Variants in YTHDF1 observed in about 807,000 individuals in gnomAD.
YTHDF1 encodes YTH domain-containing family protein 1.
Under a neutral mutation model 49.1 loss-of-function variants are expected in YTHDF1, and 16 were observed. That is an observed-to-expected ratio of 0.33 (90% CI 0.22 to 0.49). The LOEUF is 0.49. YTHDF1 is among the 20% of genes least tolerant of loss of function. YTHDF1 has a pLI of 0.99. For missense variants in YTHDF1, 621 were observed against 744.3 expected (o/e 0.83, Z 1.93); for synonymous variants, 313 against 290.1 (o/e 1.08, Z -0.80).
rs2066490237 is a variant in YTHDF1, at chr20:63,195,874, C to A, written c.*834G>T. 1 of 152,230 alleles carries A rather than the reference C, an allele frequency of 6.6e-6. No homozygotes were observed. The highest frequency in any genetic ancestry group is 2.4e-5 in the African/African-American group (1 of 41,454). The allele number at this position is 152,230 out of a possible 1,614,324, so 9.4% of individuals were successfully genotyped here. A position where few individuals can be genotyped will look rare whatever the true frequency, so the allele number is the denominator to read the frequency against. ...AGCATCATCCATCACACTGTCTGTA[C>A]TACCAGATCCTACACTTAAAGCTCA... On this transcript the variant is annotated 3_prime_UTR_variant, in exon 5 of 5. Coordinates refer to ENST00000370339, the MANE Select transcript of YTHDF1 (RefSeq NM_017798.4).
intron 3 of YTHDF1, among the ~76,000 whole-genome samples, chr20:63,213,556 A>AAC (rs1414444554): frequency 6.6e-6 from 1 of 152,104 alleles, no homozygotes; most frequent in African/African-American, 2.4e-5. Flanking sequence ...AAGCTTCAGA[A>AAC]ACACACACAC....
Position 63,196,524 on chromosome 20 carries a change from G to A in YTHDF1, c.*184C>T. Reference sequence around the variant, plus strand: ...ACTCCTTTATTAGTGACTTCTACAGGATTATAATACATAGAAAAAGTACAA... The same window carrying A: ...ACTCCTTTATTAGTGACTTCTACAGAATTATAATACATAGAAAAAGTACAA... On this transcript the variant is annotated 3_prime_UTR_variant, in exon 5 of 5. Coordinates refer to ENST00000370339, the MANE Select transcript of YTHDF1 (RefSeq NM_017798.4). The A allele has an allele frequency of 1.6e-6, 1 of 625,786 alleles. No homozygotes were observed. Among genetic ancestry groups the A allele is most frequent in the Non-Finnish European group, 2.8e-6 (1 of 361,538 alleles). 38.8% of individuals were successfully genotyped at this position (625,786 alleles called of 1,614,324 possible).
intron 3 of YTHDF1, among the ~76,000 whole-genome samples, chr20:63,207,125 G>A (rs6062845): frequency 0.073 from 11,175 of 152,264 alleles, 533 homozygotes; most frequent in Non-Finnish European, 0.11. Context: ...TTAGTGCCAC[G>A]GCTCCATGGG....
chr20:63,199,337 G>A (rs1306435127), intron 4 of YTHDF1, among the ~76,000 whole-genome samples: 2 of 152,024 alleles, frequency 1.3e-5, no homozygotes, highest in Non-Finnish European at 2.9e-5. Context: ...GGCTAACACG[G>A]TGAAACCCCA....
At chr20:63,211,945 A>T (rs1252836785) in intron 3 of YTHDF1, among the ~76,000 whole-genome samples, 1 of 145,554 alleles carries the variant, frequency 6.9e-6, no homozygotes, top group Non-Finnish European at 1.5e-5. Context: ...TAACAGCAGG[A>T]CCCTGTCTCC....
chr20:63,196,580 A>T lies in YTHDF1; in HGVS notation c.*128T>A. On this transcript the variant is annotated 3_prime_UTR_variant, in exon 5 of 5. Transcript: ENST00000370339. ...TGCAGATCCATCTGGGCAAAAATCA[A>T]CGACAAGAAAGGCAAAGATGCAACA... The T allele has an allele frequency of 1.8e-6, 2 of 1,105,388 alleles. No individual in the cohort carries two copies. The highest frequency in any genetic ancestry group is 2.6e-6 in the Non-Finnish European group (2 of 759,036). 68.5% of individuals were successfully genotyped at this position (1,105,388 alleles called of 1,614,324 possible).
chr20:63,213,724 A>G (rs1275245008), intron 3 of YTHDF1, 140 bp downstream of exon 3: 12 of 743,724 alleles, frequency 1.6e-5, no homozygotes, highest in Non-Finnish European at 2.5e-5. Flanking sequence ...TCACATCTTC[A>G]TGAGCAGTCT....
At position 63,215,553 on chromosome 20, in the gene YTHDF1, C is replaced by T. The variant is rs761399868; in HGVS notation, c.52+24G>A. The T allele has an allele frequency of 8.7e-6, 14 of 1,613,634 alleles. No individual in the cohort carries two copies. In the South Asian group the frequency reaches 1.1e-4, roughly 13 times the overall value. ...CGTCCTCCTCCACTCCAGCCCGCGCCGGCCGTCCCGGGACTCCGCTCACCT... is the reference window on the plus strand; with the variant it reads ...CGTCCTCCTCCACTCCAGCCCGCGCTGGCCGTCCCGGGACTCCGCTCACCT... On this transcript the variant is annotated intron_variant, in intron 2 of 4. Transcript: ENST00000370339.
chr20:63,203,878 G>A lies in YTHDF1; in HGVS notation c.133-71C>T, dbSNP rs1405717377. 31 of 1,450,848 alleles carry A rather than the reference G, an allele frequency of 2.1e-5. No homozygotes were observed. Among genetic ancestry groups the A allele is most frequent in the Non-Finnish European group, 2.8e-5 (30 of 1,079,374 alleles). 89.9% of individuals were successfully genotyped at this position (1,450,848 alleles called of 1,614,324 possible). A position where few individuals can be genotyped will look rare whatever the true frequency, so the allele number is the denominator to read the frequency against. On this transcript the variant is annotated intron_variant, in intron 3 of 4. Transcript: ENST00000370339. This position sits in a 1 kb window ranked among gnomAD's most constrained non-coding sequence, Gnocchi z 4.4. ...ATGCTGAGAATGCCAACCGCCTCTT[G>A]CTTAAGCACAGGTGGAGCAAAAACA... is the stretch of plus-strand genomic sequence containing the variant.
intron 1 of YTHDF1, 22 bp downstream of exon 1, chr20:63,215,844 C>T (rs1424653220): frequency 1.4e-6 from 2 of 1,456,664 alleles, no homozygotes; most frequent in Admixed American, 5.0e-5. Context: ...CGGCCGCGGC[C>T]CCTGTAACCC....
At chr20:63,205,204 C>A (rs772016614) in intron 3 of YTHDF1, among the ~76,000 whole-genome samples, 10 of 152,160 alleles carry the variant, frequency 6.6e-5, no homozygotes, top group Non-Finnish European at 1.3e-4. Context: ...TCAAAGGCTA[C>A]ACTATGAAGG....
At position 63,203,098 on chromosome 20, in the gene YTHDF1, G is replaced by A. The variant is rs6122396; in HGVS notation, c.842C>T (p.Pro281Leu). Residue 281 changes from proline (P) to leucine (L), a missense_variant, in exon 4 of 5, where the codon CCG becomes CTG. By Grantham distance (98) the Pro-to-Leu change is moderately conservative. This residue lies in a region of YTHDF1 where 470 missense variants were observed against 495.8 expected (regional missense o/e 0.95). Coordinates refer to ENST00000370339, the MANE Select transcript of YTHDF1 (RefSeq NM_017798.4). This position sits in a 1 kb window ranked among gnomAD's most constrained non-coding sequence, Gnocchi z 4.4. ...IGTWDNKGPV[P>L]KAPVPQQAPS... ...TGCCTGCTGGGGGACTGGGGCCTTC[G>A]GCACAGGCCCCTTGTTATCCCAGGT... 8.7e-6 allele frequency: 14 copies of A among 1,608,362 alleles called. No individual in the cohort carries two copies. Among genetic ancestry groups the A allele is most frequent in the African/African-American group, 2.7e-5 (2 of 74,718 alleles).
chr20:63,202,251 A>G (rs375176555), intron 4 of YTHDF1, 36 bp downstream of exon 4: 191 of 1,589,966 alleles, frequency 1.2e-4, no homozygotes, highest in Non-Finnish European at 1.5e-4. Flanking sequence ...CCAAGGACAC[A>G]TCTGCATGGC....
Position 63,202,640 on chromosome 20 carries a change from C to T in YTHDF1, c.1300G>A (p.Val434Ile), listed in dbSNP as rs149076716. ...CCATTGACGCTGAAGAGCAGGTAGACGGGCCCCTTGCTGCTCATGCAGCGG... is the reference window on the plus strand; with the variant it reads ...CCATTGACGCTGAAGAGCAGGTAGATGGGCCCCTTGCTGCTCATGCAGCGG... ...AFRCMSSKGP[V>I]YLLFSVNGSG... Residue 434 changes from valine to isoleucine, a missense_variant, in exon 4 of 5, where the codon GTC (valine) becomes ATC (isoleucine). Around this residue, in one of 2 missense-constraint regions of YTHDF1, gnomAD observed 151 missense variants for 248.5 expected, o/e 0.61. Transcript: ENST00000370339. 3.7e-6 allele frequency: 6 copies of T among 1,613,854 alleles called. No individual in the cohort carries two copies. The South Asian group carries it at 4.4e-5, about 12-fold the overall frequency.
In YTHDF1 at chr20:63,196,687, A is replaced by G. The variant is rs2066493926; in HGVS notation, c.*21T>C. On this transcript the variant is annotated 3_prime_UTR_variant, in exon 5 of 5. Coordinates refer to ENST00000370339, the MANE Select transcript of YTHDF1 (RefSeq NM_017798.4). ...TGTTTTCAAAGTCAAACGTTAGAAC[A>G]TGTAAGAAACTGGTTCGCCCTCATT... 1.9e-6 allele frequency: 3 copies of G among 1,613,764 alleles called. No homozygotes were observed. Among genetic ancestry groups the G allele is most frequent in the African/African-American group, 1.3e-5 (1 of 74,934 alleles).
intron 3 of YTHDF1, among the ~76,000 whole-genome samples, chr20:63,207,473 AC>A (rs1268490265): frequency 1.5e-5 from 1 of 65,692 alleles, no homozygotes; most frequent in East Asian, 5.5e-4. Flanking sequence ...TGTCCCCCCC[AC>A]CCCCCTCCAA....
At chr20:63,213,800 A>T (rs2122994301) in intron 3 of YTHDF1, 64 bp downstream of exon 3, 1 of 1,404,496 alleles carries the variant, frequency 7.1e-7, no homozygotes, top group East Asian at 2.3e-5. Flanking sequence ...CAGAAATGAC[A>T]GTAAAGGTAC....
intron 4 of YTHDF1, 73 bp downstream of exon 4, chr20:63,202,214 A>G (rs1444469175): frequency 6.5e-7 from 1 of 1,531,554 alleles, no homozygotes; most frequent in African/African-American, 1.4e-5. Flanking sequence ...TCTGCTCACC[A>G]CCGGGCCACC....
Position 63,202,467 on chromosome 20 carries a change from G to A in YTHDF1, c.1473C>T (p.His491=), listed in dbSNP as rs774937026. The part of the protein sequence containing the change: ...VKDVPNNQLR[H]IRLENNDNKP... ...TGTTGTCGTTATTCTCCAGCCTGAT[G>A]TGCCGGAGCTGGTTATTGGGTACAT... The change falls in exon 4 of 5, where the codon CAC becomes CAT. Residue 491 remains histidine (H), a synonymous_variant. Transcript: ENST00000370339. The A allele has an allele frequency of 1.9e-6, 3 of 1,614,276 alleles. No individual in the cohort carries two copies. Among genetic ancestry groups the A allele is most frequent in the Non-Finnish European group, 2.5e-6 (3 of 1,180,054 alleles).
Sources: allele counts gnomAD v4.1 joint callset (sites outside exome capture counted in the v4.1 genomes callset), GRCh38; gene constraint gnomAD v4.1.1; regional missense constraint gnomAD v4.1.1; non-coding constraint Gnocchi (gnomAD v3.1); transcripts MANE v1.5; gene names NCBI Gene and HGNC (gene_info 2026-07-23, HGNC 2026-07-21).